MSRA: variants seen among roughly 807,000 people sequenced by gnomAD.
MSRA encodes methionine sulfoxide reductase A, also known as mitochondrial peptide methionine sulfoxide reductase.
In MSRA, 54 loss-of-function variants were observed where a neutral mutation model predicts 31.3. The ratio of observed to expected loss-of-function variants is 1.73; its 90% CI spans 1.39 to 2.17. The LOEUF is 2.17. Ranked by LOEUF, MSRA falls within the 30% of genes most tolerant of loss-of-function variation. MSRA has a pLI of 0.00. For synonymous variants in MSRA, 169 were observed against 116.5 expected, an observed-to-expected ratio of 1.45 and a Z score of -2.90; for missense variants, 507 against 300.9, an observed-to-expected ratio of 1.69 and a Z score of -5.07.
intron 1 of MSRA, among the ~76,000 whole-genome samples, chr8:10,197,356 G>C (rs1326825684): frequency 6.6e-6 from 1 of 152,180 alleles, no homozygotes. Flanking sequence ...AATTAATGAT[G>C]ATGGAGTGCT....
chr8:10,144,823 G>A (rs1357505035), intron 1 of MSRA, among the ~76,000 whole-genome samples: 1 of 152,150 alleles, frequency 6.6e-6, no homozygotes, highest in Non-Finnish European at 1.5e-5. Context: ...TGGGGGATTG[G>A]CACATCTGAC....
intron 1 of MSRA, among the ~76,000 whole-genome samples, chr8:10,135,149 C>A (rs1421429345): frequency 1.3e-5 from 2 of 152,208 alleles, no homozygotes; most frequent in African/African-American, 4.8e-5. Context: ...CTATTTCACT[C>A]TTGTAATACA....
chr8:10,348,304 A>T (rs1015481034), intron 5 of MSRA, among the ~76,000 whole-genome samples: 2 of 146,262 alleles, frequency 1.4e-5, no homozygotes, highest in Admixed American at 6.8e-5. Context: ...TGAGGCCTAC[A>T]CCAGCAGCAT....
chr8:10,359,763 G>C (rs1804733415), intron 5 of MSRA, among the ~76,000 whole-genome samples: 1 of 152,126 alleles, frequency 6.6e-6, no homozygotes, highest in East Asian at 1.9e-4. Context: ...GATGGTCTCA[G>C]ATGGAGGACG....
intron 1 of MSRA, among the ~76,000 whole-genome samples, chr8:10,114,852 C>G (rs926181622): frequency 9.2e-5 from 14 of 152,078 alleles, no homozygotes. Flanking sequence ...TAGCAGAAAT[C>G]CCAGTGAAAA....
chr8:10,194,660 A>G (rs1298949997), intron 1 of MSRA, among the ~76,000 whole-genome samples: 1 of 152,208 alleles, frequency 6.6e-6, no homozygotes, highest in Non-Finnish European at 1.5e-5. Flanking sequence ...CTTCTAGGGT[A>G]CTTACTTGGA....
intron 5 of MSRA, among the ~76,000 whole-genome samples, chr8:10,401,282 A>C (rs1252152028): frequency 6.6e-6 from 1 of 152,242 alleles, no homozygotes; most frequent in African/African-American, 2.4e-5. Context: ...AGAAATGCAA[A>C]TGCTTAATAA....
rs150240859 is a variant in MSRA, at chr8:10,206,468, G to A, written c.143-1365G>A. ...CCAGTGGAAGCCCCAGAAGGGAACT[G>A]ATGGAATCCCTAAGGGCTACAGGCA... On this transcript the variant is annotated intron_variant, in intron 1 of 5. Transcript: ENST00000317173. 4.1e-3 allele frequency among the ~76,000 whole-genome samples: 617 copies of A among 152,342 alleles called. 7 individuals are homozygous for A. Among genetic ancestry groups the A allele is most frequent in the African/African-American group, 0.014 (595 of 41,582 alleles).
chr8:10,145,271 A>C lies in MSRA; in HGVS notation c.143-62562A>C, dbSNP rs550300408. Among the ~76,000 whole-genome samples, 33 of 152,342 alleles carry C rather than the reference A, an allele frequency of 2.2e-4. 1 individual carries two copies. Among genetic ancestry groups the C allele is most frequent in the African/African-American group, 7.9e-4 (33 of 41,562 alleles). On this transcript the variant is annotated intron_variant, in intron 1 of 5. Transcript: ENST00000317173. ...TTCCTTAAGACAAACAATAGGAATA[A>C]AATAATTCATACGAAGAATAGCTTT...
intron 2 of MSRA, among the ~76,000 whole-genome samples, chr8:10,243,742 T>G (rs1479052428): frequency 6.6e-6 from 1 of 152,178 alleles, no homozygotes; most frequent in African/African-American, 2.4e-5. Context: ...CAGTCTAATT[T>G]TGGTGTGAAA....
intron 5 of MSRA, among the ~76,000 whole-genome samples, chr8:10,375,768 G>A (rs750563138): frequency 8.5e-5 from 13 of 152,182 alleles, no homozygotes; most frequent in Non-Finnish European, 1.8e-4. Context: ...AAACCAAGTG[G>A]TCGAGACTTT....
At chr8:10,334,569 C>G (rs969897041) in intron 5 of MSRA, among the ~76,000 whole-genome samples, 2 of 152,178 alleles carry the variant, frequency 1.3e-5, no homozygotes, top group Non-Finnish European at 2.9e-5. Flanking sequence ...TGGTCCCGAG[C>G]TCCCCGGCCT....
intron 1 of MSRA, among the ~76,000 whole-genome samples, chr8:10,123,857 C>T (rs1801301269): frequency 6.7e-6 from 1 of 148,752 alleles, no homozygotes; most frequent in African/African-American, 2.5e-5. Context: ...TTGGTCTATG[C>T]TTTTTTTTTT....
chr8:10,401,446 C>T (rs1807457936), intron 5 of MSRA, among the ~76,000 whole-genome samples: 5 of 152,250 alleles, frequency 3.3e-5, no homozygotes. Flanking sequence ...GAAATTGGAA[C>T]CCTTGTGCAT....
At chr8:10,152,852 C>A (rs1274425170) in intron 1 of MSRA, among the ~76,000 whole-genome samples, 1 of 152,138 alleles carries the variant, frequency 6.6e-6, no homozygotes, top group Non-Finnish European at 1.5e-5. Flanking sequence ...CTGTCACTTG[C>A]TACAACAGGG....
At chr8:10,058,320 C>T (rs1219125003) in intron 1 of MSRA, among the ~76,000 whole-genome samples, 1 of 151,924 alleles carries the variant, frequency 6.6e-6, no homozygotes, top group Non-Finnish European at 1.5e-5. Flanking sequence ...GATGAAAGTA[C>T]AAATATACAA....
chr8:10,379,957 G>A lies in MSRA; in HGVS notation c.544-48191G>A, dbSNP rs1805969694. 2.6e-5 allele frequency among the ~76,000 whole-genome samples: 4 copies of A among 152,302 alleles called. No individual in the cohort carries two copies. In the South Asian group the frequency reaches 8.3e-4, roughly 32 times the overall value. ...GATTAGTGACATAAGTACTGATTGGGCCAGACGATACGAGAGGGTGGGCCT... is the reference window on the plus strand; with the variant it reads ...GATTAGTGACATAAGTACTGATTGGACCAGACGATACGAGAGGGTGGGCCT... On this transcript the variant is annotated intron_variant, in intron 5 of 5. Transcript: ENST00000317173.
chr8:10,150,038 A>G (rs1585037227), intron 1 of MSRA, among the ~76,000 whole-genome samples: 1 of 147,064 alleles, frequency 6.8e-6, no homozygotes, highest in East Asian at 2.2e-4. Context: ...GCTCTGTTGG[A>G]TTGGGGAAAA....
At chr8:10,188,936 C>T (rs192725927) in intron 1 of MSRA, among the ~76,000 whole-genome samples, 1 of 152,306 alleles carries the variant, frequency 6.6e-6, no homozygotes, top group Admixed American at 6.5e-5. Flanking sequence ...CAGCTTTGTG[C>T]TGAACTACAG....
Sources: gnomAD v4.1 joint callset for allele counts (sites outside exome capture counted in the v4.1 genomes callset) on GRCh38, gnomAD v4.1.1 for gene constraint, MANE v1.5 for transcripts, NCBI Gene and HGNC (gene_info 2026-07-23, HGNC 2026-07-21) for gene names.